Variants in PDLIM2 observed in about 807,000 individuals in gnomAD.
PDLIM2 encodes PDZ and LIM domain 2, also known as PDZ and LIM domain protein 2.
Under a neutral mutation model 54.1 loss-of-function variants are expected in PDLIM2, and 51 were observed. The ratio of observed to expected loss-of-function variants is 0.94; its 90% CI spans 0.75 to 1.19. The LOEUF is 1.19. PDLIM2 is among the 50% of genes most tolerant of loss of function. PDLIM2 has a pLI of 0.00. For missense variants in PDLIM2, 912 were observed against 874.0 expected, an observed-to-expected ratio of 1.04 and a Z score of -0.55; for synonymous variants, 398 against 385.6, an observed-to-expected ratio of 1.03 and a Z score of -0.38.
intron 3 of PDLIM2, among the ~76,000 whole-genome samples, chr8:22,581,779 C>T (rs1197322590): frequency 3.9e-5 from 6 of 152,220 alleles, no homozygotes; most frequent in Non-Finnish European, 7.3e-5. Context: ...CTGGGCAGGG[C>T]GAGCTGGCAC....
chr8:22,589,514 C>CCCGCGG, intron 7 of PDLIM2, 82 bp from the exon 7 acceptor site: 1 of 1,502,022 alleles, frequency 6.7e-7, no homozygotes, highest in Non-Finnish European at 9.0e-7. Flanking sequence ...CCCTCCCCCA[C>CCCGCGG]GCTCTTCTCC....
chr8:22,579,562 C>A (rs1434413143), intron 1 of PDLIM2: 6 of 1,436,744 alleles, frequency 4.2e-6, no homozygotes, highest in Non-Finnish European at 5.5e-6. Flanking sequence ...GAGCCGGCCT[C>A]GGGGACTGGG....
intron 8 of PDLIM2, chr8:22,591,261 T>C: frequency 2.0e-6 from 1 of 492,850 alleles, no homozygotes; most frequent in South Asian, 2.1e-5. Flanking sequence ...CACACTGTTA[T>C]TACCAGGTCA....
At chr8:22,589,059 C>T in intron 6 of PDLIM2, 2 of 584,486 alleles carry the variant, frequency 3.4e-6, no homozygotes, top group East Asian at 3.0e-5. Context: ...CTCCCTCCCT[C>T]TCTGGACCCT....
At chr8:22,595,705 C>G (rs1160159185), downstream of PDLIM2, 1 of 152,210 alleles carries the variant, frequency 6.6e-6, no homozygotes, top group Non-Finnish European at 1.5e-5. Context: ...ATGCTTAGCT[C>G]AGAGCAGTGG....
intron 3 of PDLIM2, among the ~76,000 whole-genome samples, chr8:22,582,466 C>T (rs1402066016): frequency 6.6e-6 from 1 of 152,164 alleles, no homozygotes; most frequent in Admixed American, 6.5e-5. Context: ...GAGCCTCGGA[C>T]TGTCTCTTCC....
At chr8:22,590,366 G>A (rs57143834) in intron 8 of PDLIM2, 1 of 153,664 alleles carries the variant, frequency 6.5e-6, no homozygotes, top group African/African-American at 2.4e-5. Flanking sequence ...GACAGACACT[G>A]ACTGTGCCCA....
intron 1 of PDLIM2, chr8:22,579,594 G>T: frequency 1.4e-6 from 2 of 1,396,798 alleles, no homozygotes; most frequent in Non-Finnish European, 1.9e-6. Context: ...GCTGGGAACA[G>T]AGGCTAGGCC....
At chr8:22,597,154 A>G (rs528072117), downstream of PDLIM2, 1 of 152,368 alleles carries the variant, frequency 6.6e-6, no homozygotes, top group East Asian at 1.9e-4. Flanking sequence ...TGGGAAGTGC[A>G]GGGGCCACTG....
chr8:22,597,385 A>G (rs2117378763), downstream of PDLIM2: 1 of 152,398 alleles, frequency 6.6e-6, no homozygotes, highest in Non-Finnish European at 1.5e-5. Context: ...CGTGCCCGCC[A>G]GGGCTCAGGT....
rs576869419 is a variant in PDLIM2 at position 22,591,753 on chromosome 8, C to T, written c.1631+85C>T. On this transcript the variant is annotated intron_variant, in intron 9 of 9. Coordinates refer to ENST00000308354, the Ensembl canonical transcript of PDLIM2. ...GGCACTGGATGCTTTCAGGAAGGGC[C>T]GGGCCCATCAGGGGCTAGCACTGGG... The T allele has an allele frequency of 4.0e-4, 526 of 1,304,882 alleles. 1 individual carries two copies. In the African/African-American group the frequency reaches 6.7e-3, roughly 17 times the overall value. 80.8% of individuals were successfully genotyped at this position (1,304,882 alleles called of 1,614,324 possible). A position where few individuals can be genotyped will look rare whatever the true frequency, so the allele number is the denominator to read the frequency against.
chr8:22,579,938 C>T (rs1018822850), intron 1 of PDLIM2: 2 of 187,804 alleles, frequency 1.1e-5, no homozygotes, highest in Non-Finnish European at 2.2e-5. Context: ...CCTCCTTGCC[C>T]TGGCAGCCGG....
chr8:22,591,709 G>A lies in PDLIM2; in HGVS notation c.1631+41G>A. On this transcript the variant is annotated intron_variant, in intron 9 of 9. Transcript: ENST00000308354. ...GGTGGGGGACCTGAGCCTTCACAGG[G>A]GAGTGGGGAGGGGGACAGGGCACTG... 3.2e-6 allele frequency: 5 copies of A among 1,544,638 alleles called. No homozygotes were observed. In the South Asian group the frequency reaches 5.9e-5, roughly 18 times the overall value.
exon 7 of PDLIM2, chr8:22,589,300 C>A (rs747454167): frequency 1.3e-6 from 2 of 1,533,798 alleles, no homozygotes; most frequent in African/African-American, 2.7e-5. Context: ...CCCAACAGGC[C>A]GGCCTCGGCC....
At chr8:22,593,582 A>AC (rs1195888858) in intron 9 of PDLIM2, 151 bp from the exon 9 acceptor site, 15 of 250,728 alleles carry the variant, frequency 6.0e-5, no homozygotes, top group Non-Finnish European at 1.1e-4. Context: ...CATCTCAAAA[A>AC]AAAAAAAAAA....
At chr8:22,580,856 C>T (rs984525886) in intron 2 of PDLIM2, 159 bp downstream of exon 1, 29 of 846,360 alleles carry the variant, frequency 3.4e-5, no homozygotes, top group East Asian at 5.4e-5. Flanking sequence ...CCCTTTGCCA[C>T]GGGGATGTGG....
chr8:22,585,049 C>T, exon 5 of PDLIM2: 1 of 1,614,050 alleles, frequency 6.2e-7, no homozygotes. Flanking sequence ...AGAGTCAGTC[C>T]TCCTTAAGGT....
At chr8:22,580,321 C>T (rs1043988821) in intron 1 of PDLIM2, 154 bp from the exon 1 acceptor site, 5 of 569,232 alleles carry the variant, frequency 8.8e-6, no homozygotes, top group South Asian at 2.0e-5. Context: ...CAGCAAGCCC[C>T]CTGCCTGGCA....
At chr8:22,595,404 A>C (rs1254766631), downstream of PDLIM2, 2 of 152,248 alleles carry the variant, frequency 1.3e-5, no homozygotes, top group African/African-American at 2.4e-5. Flanking sequence ...CCTAGTGTCC[A>C]GTTTGGCCCA....
Sources: gnomAD v4.1 joint callset for allele counts (sites outside exome capture counted in the v4.1 genomes callset) on GRCh38, gnomAD v4.1.1 for gene constraint, MANE v1.5 for transcripts, NCBI Gene and HGNC (gene_info 2026-07-23, HGNC 2026-07-21) for gene names.